AACS: variants seen among roughly 807,000 people sequenced by gnomAD.
The protein encoded by AACS is acetoacetyl-CoA synthetase.
Under a neutral mutation model 83.1 loss-of-function variants are expected in AACS, and 69 were observed. The ratio of observed to expected loss-of-function variants is 0.83; its 90% CI spans 0.68 to 1.01. The LOEUF (loss-of-function observed/expected upper bound fraction) is 1.01, where lower values mean the gene tolerates loss of function less well. Ranked by LOEUF, AACS falls within the 50% of genes least tolerant of loss-of-function variation. The pLI is 0.00. For missense variants in AACS, 866 were observed against 882.2 expected, an observed-to-expected ratio of 0.98 and a Z score of 0.23; for synonymous variants, 333 against 343.4, an observed-to-expected ratio of 0.97 and a Z score of 0.33.
intron 8 of AACS, among the ~76,000 whole-genome samples, chr12:125,112,076 G>T (rs372661883): frequency 6.6e-6 from 1 of 152,192 alleles, no homozygotes. Context: ...TTTGCCACAG[G>T]CTCCTAGAAT....
At chr12:125,087,438 G>A (rs1378047119) in intron 4 of AACS, among the ~76,000 whole-genome samples, 2 of 152,268 alleles carry the variant, frequency 1.3e-5, no homozygotes, top group Admixed American at 6.5e-5. Flanking sequence ...AAACATACTT[G>A]TTAGTTAATT....
At chr12:125,104,020 G>A (rs1423844740) in intron 7 of AACS, among the ~76,000 whole-genome samples, 6,429 of 37,938 alleles carry the variant, frequency 0.17, 4 homozygotes, top group Non-Finnish European at 0.27. Flanking sequence ...AAAAAAAAAA[G>A]AATCTTCATT....
At chr12:125,117,491 A>G (rs2136115104) in intron 9 of AACS, 1 of 152,332 alleles carries the variant, frequency 6.6e-6, no homozygotes, top group African/African-American at 2.4e-5. Context: ...CTTGAGCTCA[A>G]GTGATCTTCC....
chr12:125,086,375 G>A lies in AACS; in HGVS notation c.404G>A (p.Arg135Lys), dbSNP rs201804457. ...GTGAAGGTGACTTTTGAAGAGCTGA[G>A]GCAAGAAGTGGCTTTGTTTGCAGCA... ...EIVKVTFEEL[R>K]QEVALFAAAM... Residue 135 changes from arginine (R) to lysine (K), a missense_variant, in exon 4 of 18, where the codon AGG becomes AAG. By Grantham distance (26) the Arg-to-Lys change is conservative. Coordinates refer to ENST00000316519, the MANE Select transcript of AACS (RefSeq NM_023928.5). The A allele has an allele frequency of 2.3e-5, 37 of 1,614,082 alleles. No individual in the cohort carries two copies. The highest frequency in any genetic ancestry group is 3.0e-5 in the Non-Finnish European group (35 of 1,180,052).
chr12:125,116,756 C>G (rs1259454917), intron 9 of AACS, among the ~76,000 whole-genome samples: 1 of 152,078 alleles, frequency 6.6e-6, no homozygotes, highest in Non-Finnish European at 1.5e-5. Context: ...TGAGCCACCG[C>G]GCCCGGCCTC....
chr12:125,071,848 T>C (rs146133622), intron 1 of AACS, among the ~76,000 whole-genome samples: 1 of 151,758 alleles, frequency 6.6e-6, no homozygotes, highest in African/African-American at 2.4e-5. Flanking sequence ...AATGCACTTT[T>C]GTGATACTTT....
chr12:125,078,896 C>T lies in AACS; in HGVS notation c.358+2285C>T, dbSNP rs904996628. On this transcript the variant is annotated intron_variant, in intron 3 of 17. Coordinates refer to ENST00000316519, the MANE Select transcript of AACS (RefSeq NM_023928.5). ...CCTGCCCTGGGAGACGCTGATGTTC[C>T]GGGGGGCAAAGCGTGGTGGTTTAAC... 5.3e-5 allele frequency among the ~76,000 whole-genome samples: 8 copies of T among 150,016 alleles called. No individual in the cohort carries two copies. The South Asian group carries it at 8.5e-4, about 16-fold the overall frequency.
At chr12:125,118,362 C>G (rs1957093519) in intron 9 of AACS, 1 of 400,124 alleles carries the variant, frequency 2.5e-6, no homozygotes, top group Non-Finnish European at 4.7e-6. Context: ...TGTGGCCTTG[C>G]TTGTGTCGAT....
Position 125,134,040 on chromosome 12 carries a change from C to T in AACS, c.1587C>T (p.Pro529=), listed in dbSNP as rs1215174593. ...WAHGDYCRIN[P]KTGGIVMLGR... ...ATGGCGACTACTGCAGAATCAACCC[C>T]AAGACCGGGGGCATCGTCATGCTTG... Residue 529 remains proline, a synonymous_variant, in exon 15 of 18, where the codon CCC becomes CCT. Transcript: ENST00000316519. 1 of 1,614,132 alleles carries T rather than the reference C, an allele frequency of 6.2e-7. No individual in the cohort carries two copies. Among genetic ancestry groups the T allele is most frequent in the East Asian group, 2.2e-5 (1 of 44,880 alleles).
intron 8 of AACS, among the ~76,000 whole-genome samples, chr12:125,112,802 A>G (rs1190019345): frequency 1.3e-4 from 20 of 152,214 alleles, no homozygotes. Context: ...AGCAAGTCAC[A>G]TCTTACATGG....
At chr12:125,133,794 G>A (rs879560427) in intron 14 of AACS, among the ~76,000 whole-genome samples, 11 of 152,214 alleles carry the variant, frequency 7.2e-5, no homozygotes, top group South Asian at 4.1e-4. Context: ...CCTCCTCGCC[G>A]GCGGTGTCAG....
At chr12:125,088,976 G>A (rs531341565) in intron 4 of AACS, among the ~76,000 whole-genome samples, 7 of 152,276 alleles carry the variant, frequency 4.6e-5, no homozygotes, top group African/African-American at 1.7e-4. Context: ...TTAAAGCTGC[G>A]CCTAGCTCCG....
rs1418402762 is a variant in AACS, at chr12:125,097,176, G to C, written c.571-5503G>C. 1.3e-5 allele frequency among the ~76,000 whole-genome samples: 2 copies of C among 152,072 alleles called. No individual in the cohort carries two copies. The highest frequency in any genetic ancestry group is 4.8e-5 in the African/African-American group (2 of 41,394). On this transcript the variant is annotated intron_variant, in intron 5 of 17. Transcript: ENST00000316519. This position sits in a 1 kb window ranked among gnomAD's most constrained non-coding sequence, Gnocchi z 4.3. ...CTCGGCCTGTTGCTGCTGGACTCCT[G>C]GGGGGCACCATTTTGGGGCTTTCTG...
At chr12:125,072,277 C>T (rs1428411847) in intron 1 of AACS, among the ~76,000 whole-genome samples, 1 of 152,024 alleles carries the variant, frequency 6.6e-6, no homozygotes, top group African/African-American at 2.4e-5. Flanking sequence ...CTCAGCTGTC[C>T]CTGCCCCAGT....
At chr12:125,069,051 C>T (rs1248458401) in intron 1 of AACS, among the ~76,000 whole-genome samples, 4 of 152,126 alleles carry the variant, frequency 2.6e-5, no homozygotes, top group Non-Finnish European at 4.4e-5. Flanking sequence ...CCATATTGGC[C>T]AGGCTGGTCT....
Position 125,134,793 on chromosome 12 carries a change from G to A in AACS, c.1620-1G>A, listed in dbSNP as rs1011904350. The A allele has an allele frequency of 6.2e-7, 1 of 1,614,064 alleles. No individual in the cohort carries two copies. The highest frequency in any genetic ancestry group is 1.3e-5 in the African/African-American group (1 of 74,922). ...GGCCCTGACCTCTTCTCTCTTTCCAGTGACGGCACCCTCAACCCCAACGGG... is the reference window on the plus strand; with the variant it reads ...GGCCCTGACCTCTTCTCTCTTTCCAATGACGGCACCCTCAACCCCAACGGG... On this transcript the variant is annotated splice_acceptor_variant, in intron 15 of 17. Transcript: ENST00000316519. LOFTEE classifies it high-confidence loss of function.
intron 12 of AACS, chr12:125,126,351 A>G (rs1957244369): frequency 6.6e-6 from 1 of 152,172 alleles, no homozygotes. Context: ...TCAGTCCACA[A>G]AGGTGTCCTC....
chr12:125,099,611 G>A (rs1295174271), intron 5 of AACS, among the ~76,000 whole-genome samples: 1 of 152,190 alleles, frequency 6.6e-6, no homozygotes, highest in Non-Finnish European at 1.5e-5. Context: ...GCGAATATCG[G>A]TCCAGTGCTT....
chr12:125,068,356 G>GACTA (rs1388037569), intron 1 of AACS, among the ~76,000 whole-genome samples: 2 of 152,194 alleles, frequency 1.3e-5, no homozygotes, highest in African/African-American at 4.8e-5. Flanking sequence ...CTACTCTGGA[G>GACTA]ACTAAGGTGG....
Sources: allele counts gnomAD v4.1 joint callset (sites outside exome capture counted in the v4.1 genomes callset), GRCh38; gene constraint gnomAD v4.1.1; non-coding constraint Gnocchi (gnomAD v3.1); transcripts MANE v1.5; gene names NCBI Gene and HGNC (gene_info 2026-07-23, HGNC 2026-07-21).